Variants in LSAMP observed in about 807,000 individuals in gnomAD.
LSAMP encodes limbic system associated membrane protein.
Under a neutral mutation model 38.6 loss-of-function variants are expected in LSAMP, and 7 were observed. The ratio of observed to expected loss-of-function variants is 0.18; its 90% CI spans 0.10 to 0.34. The LOEUF (loss-of-function observed/expected upper bound fraction) is 0.34, where lower values mean the gene tolerates loss of function less well. LSAMP is among the 10% of genes least tolerant of loss of function. The pLI, the probability that LSAMP is intolerant of heterozygous loss-of-function variation, is 1.00. For synonymous variants in LSAMP, 154 were observed against 166.8 expected, an observed-to-expected ratio of 0.92 and a Z score of 0.59; for missense variants, 313 against 420.0, an observed-to-expected ratio of 0.75 and a Z score of 2.23.
intron 1 of LSAMP, among the ~76,000 whole-genome samples, chr3:116,108,721 A>G (rs1000755518): frequency 1.3e-5 from 2 of 152,166 alleles, no homozygotes; most frequent in Non-Finnish European, 2.9e-5. Context: ...GTGGCTTAGG[A>G]GAAATCCTGG....
intron 1 of LSAMP, among the ~76,000 whole-genome samples, chr3:116,247,092 T>C (rs1351690957): frequency 2.0e-5 from 3 of 152,218 alleles, no homozygotes; most frequent in Admixed American, 1.3e-4. Flanking sequence ...TAATAATTCA[T>C]GCAGGGCTTA....
intron 3 of LSAMP, among the ~76,000 whole-genome samples, chr3:115,863,461 G>A (rs1347612855): frequency 3.9e-5 from 6 of 151,934 alleles, no homozygotes; most frequent in Non-Finnish European, 7.4e-5. Context: ...TTTATCTATT[G>A]AATTGGAATG....
chr3:116,157,626 G>C (rs559665516), intron 1 of LSAMP, among the ~76,000 whole-genome samples: 117 of 152,070 alleles, frequency 7.7e-4, no homozygotes, highest in African/African-American at 2.6e-3. Flanking sequence ...GGATATCCTG[G>C]AAACATACAC....
intron 1 of LSAMP, among the ~76,000 whole-genome samples, chr3:116,114,395 A>T (rs142422550): frequency 0.01 from 1,537 of 152,338 alleles, 24 homozygotes; most frequent in African/African-American, 0.035. Context: ...GGTTGGAAGG[A>T]AGAAGAAAGA....
chr3:116,413,871 A>T (rs1401828032), intron 1 of LSAMP, among the ~76,000 whole-genome samples: 1 of 151,142 alleles, frequency 6.6e-6, no homozygotes, highest in Non-Finnish European at 1.5e-5. Flanking sequence ...GAAAGTTGAA[A>T]ACAGTCACCT....
chr3:116,339,455 G>C (rs1424605926), intron 1 of LSAMP, among the ~76,000 whole-genome samples: 1 of 151,784 alleles, frequency 6.6e-6, no homozygotes, highest in Non-Finnish European at 1.5e-5. Context: ...GACCGTCACA[G>C]CCACTAATGA....
chr3:116,141,545 G>T (rs1709370769), intron 1 of LSAMP, among the ~76,000 whole-genome samples: 1 of 151,832 alleles, frequency 6.6e-6, no homozygotes, highest in Admixed American at 6.6e-5. Flanking sequence ...ACAGAATGTG[G>T]CAGGAAAGGT....
chr3:115,815,202 A>T (rs553871327), intron 6 of LSAMP, among the ~76,000 whole-genome samples: 2 of 152,310 alleles, frequency 1.3e-5, no homozygotes, highest in African/African-American at 4.8e-5. Flanking sequence ...ATTTTGTTAG[A>T]ATTGTTTTAT....
chr3:115,943,062 T>G (rs141896574), intron 3 of LSAMP, among the ~76,000 whole-genome samples: 1,854 of 152,290 alleles, frequency 0.012, 23 homozygotes, highest in Non-Finnish European at 0.019. Flanking sequence ...TATTTTCAGT[T>G]ATAAGGAAAT....
At chr3:115,860,962 C>T (rs766396292) in intron 3 of LSAMP, among the ~76,000 whole-genome samples, 1 of 152,138 alleles carries the variant, frequency 6.6e-6, no homozygotes, top group Non-Finnish European at 1.5e-5. Flanking sequence ...GGTACCACTA[C>T]ATCTCCTTTA....
chr3:116,376,911 A>C (rs968584154), intron 1 of LSAMP, among the ~76,000 whole-genome samples: 6 of 151,986 alleles, frequency 3.9e-5, no homozygotes, highest in Non-Finnish European at 7.4e-5. Flanking sequence ...CCATCAACAA[A>C]ATTTGTCTTA....
chr3:115,982,536 G>A (rs192049982), intron 3 of LSAMP, among the ~76,000 whole-genome samples: 2 of 152,184 alleles, frequency 1.3e-5, no homozygotes, highest in East Asian at 3.9e-4. Flanking sequence ...GCTGAAGTAG[G>A]ACCCAAGAGG....
At chr3:116,167,439 T>C (rs1009565204) in intron 1 of LSAMP, among the ~76,000 whole-genome samples, 2 of 152,236 alleles carry the variant, frequency 1.3e-5, no homozygotes, top group Non-Finnish European at 2.9e-5. Flanking sequence ...GATGTGACTA[T>C]GTAAACACAA....
At chr3:115,845,619 T>C (rs1935134665) in intron 4 of LSAMP, among the ~76,000 whole-genome samples, 1 of 152,172 alleles carries the variant, frequency 6.6e-6, no homozygotes, top group Non-Finnish European at 1.5e-5. Context: ...CTCTCCTTTC[T>C]GCTTTCATGT....
rs929730951 is a variant in LSAMP, at chr3:116,111,049, G to T, written c.156-24493C>A. ...CTGAGCCAGAAGAAGGAAATTCACA[G>T]GGTTAATCACTCAGTTAAGGTGGGG... On this transcript the variant is annotated intron_variant, in intron 1 of 6. Coordinates refer to ENST00000490035, the MANE Select transcript of LSAMP (RefSeq NM_002338.5). Among the ~76,000 whole-genome samples, 42 of 152,286 alleles carry T rather than the reference G, an allele frequency of 2.8e-4. No homozygotes were observed. In the Middle Eastern group the frequency reaches 0.01, roughly 37 times the overall value.
At chr3:116,172,590 A>C (rs1710227909) in intron 1 of LSAMP, among the ~76,000 whole-genome samples, 2 of 152,072 alleles carry the variant, frequency 1.3e-5, no homozygotes, top group Admixed American at 1.3e-4. Context: ...ACTCCCAAGA[A>C]AGATGGTAGC....
intron 3 of LSAMP, among the ~76,000 whole-genome samples, chr3:115,901,798 T>C (rs1936881668): frequency 6.6e-6 from 1 of 152,188 alleles, no homozygotes; most frequent in Non-Finnish European, 1.5e-5. Context: ...CCTGGGCATA[T>C]ATAAAATATC....
At chr3:116,418,294 A>G (rs1399435400) in intron 1 of LSAMP, among the ~76,000 whole-genome samples, 2 of 152,160 alleles carry the variant, frequency 1.3e-5, no homozygotes, top group Non-Finnish European at 2.9e-5. Flanking sequence ...GGTCTATTAG[A>G]TATTTCAATG....
chr3:115,893,476 T>C (rs1346730575), intron 3 of LSAMP, among the ~76,000 whole-genome samples: 1 of 152,016 alleles, frequency 6.6e-6, no homozygotes, highest in Non-Finnish European at 1.5e-5. Flanking sequence ...TAGAGGTTTC[T>C]TTTTCCCCAA....
Sources: allele counts gnomAD v4.1 joint callset (sites outside exome capture counted in the v4.1 genomes callset), GRCh38; gene constraint gnomAD v4.1.1; transcripts MANE v1.5; gene names NCBI Gene and HGNC (gene_info 2026-07-23, HGNC 2026-07-21).